SMCHD1: variants seen among roughly 807,000 people sequenced by gnomAD.
SMCHD1 encodes the protein structural maintenance of chromosomes flexible hinge domain containing 1.
In SMCHD1, 78 loss-of-function variants were observed where a neutral mutation model predicts 254.7. That is an observed-to-expected ratio of 0.31 (90% CI 0.26 to 0.37). The LOEUF is 0.37. Among genes scored for constraint, SMCHD1 ranks in the 10% least tolerant of loss-of-function variants. The pLI, the probability that SMCHD1 is intolerant of heterozygous loss-of-function variation, is 1.00. For synonymous variants in SMCHD1, 766 were observed against 794.9 expected (o/e 0.96, Z 0.61); for missense variants, 1,840 against 2,408.1 (o/e 0.76, Z 4.94).
rs940176973 is a variant in SMCHD1 at position 2,703,689 on chromosome 18, C to T, written c.1648-3C>T. The T allele has an allele frequency of 4.4e-6, 7 of 1,599,882 alleles. No homozygotes were observed. Among genetic ancestry groups the T allele is most frequent in the African/African-American group, 1.4e-5 (1 of 73,964 alleles). On this transcript the variant is annotated splice_region_variant and splice_polypyrimidine_tract_variant and intron_variant, in intron 12 of 47. Coordinates refer to ENST00000320876, the MANE Select transcript of SMCHD1 (RefSeq NM_015295.3). ...TTTCATAAAACATTTTAAAATTCTACAGGAACAGCGAATGAAAATTGACAG... is the reference window on the plus strand; with the variant it reads ...TTTCATAAAACATTTTAAAATTCTATAGGAACAGCGAATGAAAATTGACAG...
intron 7 of SMCHD1, among the ~76,000 whole-genome samples, chr18:2,691,152 A>C (rs1258387237): frequency 1.3e-5 from 2 of 152,178 alleles, no homozygotes; most frequent in Non-Finnish European, 2.9e-5. Context: ...ATCTTGTCTT[A>C]ACCACCACAG....
At chr18:2,785,687 A>G (rs958406725) in intron 45 of SMCHD1, among the ~76,000 whole-genome samples, 4 of 143,412 alleles carry the variant, frequency 2.8e-5, no homozygotes, top group African/African-American at 1.0e-4. Flanking sequence ...CATTGGTGTT[A>G]AGTGCATTCA....
chr18:2,737,415 T>A (rs191626216), intron 25 of SMCHD1, among the ~76,000 whole-genome samples: 20 of 152,290 alleles, frequency 1.3e-4, no homozygotes, highest in African/African-American at 2.2e-4. Context: ...AAATTTTTTT[T>A]AAAAAGACTA....
intron 41 of SMCHD1, among the ~76,000 whole-genome samples, chr18:2,774,731 C>T (rs528077962): frequency 6.6e-6 from 1 of 152,212 alleles, no homozygotes; most frequent in African/African-American, 2.4e-5. Context: ...AAAAGTGACA[C>T]ACAATGTTCT....
In SMCHD1 at chr18:2,718,471, A is replaced by G. The variant is rs1183929498; in HGVS notation, c.2458+37A>G. On this transcript the variant is annotated intron_variant, in intron 19 of 47. Transcript: ENST00000320876. This position sits in a 1 kb window ranked among gnomAD's most constrained non-coding sequence, Gnocchi z 4.6. The stretch of plus-strand genomic sequence containing the variant: ...AGTAATATATAATTATATATGCTAA[A>G]GGTGGCATTTTAAATCCAAAGAGAA... 1 of 1,521,248 alleles carries G rather than the reference A, an allele frequency of 6.6e-7. No homozygotes were observed. Among genetic ancestry groups the G allele is most frequent in the Non-Finnish European group, 8.9e-7 (1 of 1,123,678 alleles). 94.2% of individuals were successfully genotyped at this position (1,521,248 alleles called of 1,614,324 possible). A position where few individuals can be genotyped will look rare whatever the true frequency, so the allele number is the denominator to read the frequency against.
chr18:2,667,871 A>G (rs1324404916), intron 3 of SMCHD1, among the ~76,000 whole-genome samples: 1 of 152,004 alleles, frequency 6.6e-6, no homozygotes, highest in African/African-American at 2.4e-5. Flanking sequence ...TTATTTGAAC[A>G]GTATTCTTTT....
At chr18:2,663,271 A>ATTT (rs112166951) in intron 1 of SMCHD1, among the ~76,000 whole-genome samples, 120 of 145,246 alleles carry the variant, frequency 8.3e-4, no homozygotes, top group African/African-American at 2.9e-3. Context: ...ATGCCCAGCT[A>ATTT]TTTTTTTTTT....
intron 8 of SMCHD1, 90 bp from the exon 9 acceptor site, chr18:2,696,942 G>A (rs1330635585): frequency 1.6e-6 from 1 of 613,904 alleles, no homozygotes; most frequent in Non-Finnish European, 2.8e-6. Context: ...TTGATACCTA[G>A]TAAATAGTGT....
chr18:2,681,586 CAAA>C lies in SMCHD1; in HGVS notation c.639-6791_639-6789del, dbSNP rs11338546. On this transcript the variant is annotated intron_variant, in intron 5 of 47. Coordinates refer to ENST00000320876, the MANE Select transcript of SMCHD1 (RefSeq NM_015295.3). Reference sequence around the variant, plus strand: ...GGCGACTGAGTGAGATCCTATCTCTCAAAAAAAAAAAAAAAAAAAGGATATATA... The same window carrying C: ...GGCGACTGAGTGAGATCCTATCTCTCAAAAAAAAAAAAAAAAGGATATATA... Among the ~76,000 whole-genome samples, 504 of 95,864 alleles carry C rather than the reference CAAA, an allele frequency of 5.3e-3. 2 individuals are homozygous for C. The highest frequency in any genetic ancestry group is 0.019 in the African/African-American group (475 of 24,874). 62.9% of individuals were successfully genotyped at this position (95,864 alleles called of 152,430 possible).
chr18:2,719,510 G>A (rs976818007), intron 19 of SMCHD1, among the ~76,000 whole-genome samples: 2 of 152,012 alleles, frequency 1.3e-5, no homozygotes, highest in African/African-American at 4.8e-5. Flanking sequence ...TGTTGGCCAG[G>A]CTGGTCTCGA....
intron 15 of SMCHD1, among the ~76,000 whole-genome samples, chr18:2,706,909 T>C (rs1048785764): frequency 1.3e-5 from 2 of 152,122 alleles, no homozygotes; most frequent in Admixed American, 6.5e-5. Flanking sequence ...AGGAAACTTA[T>C]AATCATGGCA....
intron 47 of SMCHD1, 73 bp from the exon 48 acceptor site, chr18:2,802,455 A>G: frequency 1.8e-6 from 2 of 1,095,624 alleles, no homozygotes; most frequent in Admixed American, 2.4e-5. Flanking sequence ...TTAAGCATTC[A>G]GGTGTGATGA....
intron 20 of SMCHD1, among the ~76,000 whole-genome samples, chr18:2,723,654 T>C (rs1273447900): frequency 2.0e-5 from 3 of 152,130 alleles, no homozygotes; most frequent in African/African-American, 7.2e-5. Flanking sequence ...GATAACCTCT[T>C]CTCTTCTTTT....
intron 4 of SMCHD1, among the ~76,000 whole-genome samples, 164 bp downstream of exon 4, chr18:2,673,527 A>T (rs188948752): frequency 6.6e-6 from 1 of 152,160 alleles, no homozygotes; most frequent in African/African-American, 2.4e-5. Flanking sequence ...TCCTATGCAT[A>T]TATGTATACA....
intron 25 of SMCHD1, among the ~76,000 whole-genome samples, chr18:2,733,107 G>T (rs767684646): frequency 1.3e-5 from 2 of 152,190 alleles, no homozygotes; most frequent in Non-Finnish European, 2.9e-5. Flanking sequence ...AAAGTAGACA[G>T]CTTTTTAGCA....
chr18:2,678,761 T>C (rs994981429), intron 5 of SMCHD1, among the ~76,000 whole-genome samples: 5 of 152,160 alleles, frequency 3.3e-5, no homozygotes, highest in African/African-American at 9.7e-5. Context: ...GATCTGCCAA[T>C]AACAAATTCC....
intron 24 of SMCHD1, among the ~76,000 whole-genome samples, chr18:2,731,827 C>T (rs1036193202): frequency 3.3e-5 from 5 of 152,114 alleles, no homozygotes; most frequent in Non-Finnish European, 5.9e-5. Flanking sequence ...GCCTGGCCAA[C>T]GTGGTGAAAC....
chr18:2,771,478 A>G (rs189091268), intron 39 of SMCHD1, 55 bp from the exon 40 acceptor site: 33 of 1,314,024 alleles, frequency 2.5e-5, no homozygotes, highest in African/African-American at 6.1e-5. Flanking sequence ...TTTTTCAAAA[A>G]CTATGATTTG....
chr18:2,714,847 C>T (rs1186548503), intron 17 of SMCHD1, among the ~76,000 whole-genome samples: 1 of 152,018 alleles, frequency 6.6e-6, no homozygotes, highest in African/African-American at 2.4e-5. Flanking sequence ...TGACAGTCCC[C>T]CCTGCCCCCT....
Sources: allele counts gnomAD v4.1 joint callset (sites outside exome capture counted in the v4.1 genomes callset), GRCh38; gene constraint gnomAD v4.1.1; non-coding constraint Gnocchi (gnomAD v3.1); transcripts MANE v1.5; gene names NCBI Gene and HGNC (gene_info 2026-07-23, HGNC 2026-07-21).